CASD1: variants seen among roughly 807,000 people sequenced by gnomAD.
CASD1 encodes the protein CAS1 domain sialic acid O acetyltransferase 1.
A neutral mutation model predicts 100.0 loss-of-function variants in CASD1; 41 were observed. That is an observed-to-expected ratio of 0.41 (90% CI 0.32 to 0.53). The LOEUF is 0.53. Among genes scored for constraint, CASD1 ranks in the 20% least tolerant of loss-of-function variants. CASD1 has a pLI of 0.25. For missense variants in CASD1, 774 were observed against 948.7 expected, an observed-to-expected ratio of 0.82 and a Z score of 2.42; for synonymous variants, 321 against 315.6, an observed-to-expected ratio of 1.02 and a Z score of -0.18.
intron 5 of CASD1, among the ~76,000 whole-genome samples, chr7:94,532,651 G>A (rs912675010): frequency 1.3e-5 from 2 of 152,122 alleles, no homozygotes; most frequent in African/African-American, 4.8e-5. Flanking sequence ...ATATATAATG[G>A]GGGGAAATAC....
At chr7:94,519,669 A>C (rs1296660943) in intron 3 of CASD1, among the ~76,000 whole-genome samples, 1 of 152,098 alleles carries the variant, frequency 6.6e-6, no homozygotes, top group African/African-American at 2.4e-5. Context: ...TATTTTTAAT[A>C]ATTAAAAAAA....
the CASD1 span, among the ~76,000 whole-genome samples, chr7:94,582,330 C>T: frequency 1.3e-5 from 2 of 152,134 alleles, no homozygotes; most frequent in Admixed American, 6.5e-5. Context: ...GTCGGCCAGG[C>T]TGGTCTTGAA....
At chr7:94,575,602 A>G in the CASD1 span, among the ~76,000 whole-genome samples, 1 of 151,996 alleles carries the variant, frequency 6.6e-6, no homozygotes, top group African/African-American at 2.4e-5. Flanking sequence ...ATCCTTGTTA[A>G]TTTTCTGCGT....
chr7:94,563,585 G>T, the CASD1 span, among the ~76,000 whole-genome samples: 1 of 151,002 alleles, frequency 6.6e-6, no homozygotes, highest in South Asian at 2.1e-4. Context: ...GTTGCCAGTT[G>T]TCTTCTGTTT....
the CASD1 span, chr7:94,597,552 TGA>T: frequency 0.084 from 12,688 of 151,828 alleles, 570 homozygotes; most frequent in East Asian, 0.13. Flanking sequence ...TCTGTGTGTA[TGA>T]GAGAGAGAGA....
rs762290781 is a variant in CASD1, at chr7:94,517,682, T to C, written c.230+26T>C. Reference sequence around the variant, plus strand: ...GTAACATTTCTTCATTTTGTTGTTTTCTTTTTCAGGATGGGTCTTAATATG... The same window carrying C: ...GTAACATTTCTTCATTTTGTTGTTTCCTTTTTCAGGATGGGTCTTAATATG... On this transcript the variant is annotated intron_variant, in intron 2 of 17. Coordinates refer to ENST00000297273, the MANE Select transcript of CASD1 (RefSeq NM_022900.5). The C allele has an allele frequency of 2.1e-6, 3 of 1,425,172 alleles. No homozygotes were observed. In the Admixed American group the frequency reaches 5.3e-5, roughly 25 times the overall value. 88.3% of individuals were successfully genotyped at this position (1,425,172 alleles called of 1,614,324 possible).
At chr7:94,611,643 A>G in the CASD1 span, among the ~76,000 whole-genome samples, 4 of 152,212 alleles carry the variant, frequency 2.6e-5, no homozygotes, top group African/African-American at 9.6e-5. Context: ...GGTGCATTGT[A>G]TGATATGTGA....
chr7:94,581,488 C>G, the CASD1 span, among the ~76,000 whole-genome samples: 373 of 152,194 alleles, frequency 2.5e-3, 1 homozygote, highest in African/African-American at 8.3e-3. Context: ...GTATTAAGCC[C>G]AGCACCTACT....
At chr7:94,513,856 G>A (rs1267210456) in intron 1 of CASD1, among the ~76,000 whole-genome samples, 2 of 152,114 alleles carry the variant, frequency 1.3e-5, no homozygotes, top group African/African-American at 4.8e-5. Flanking sequence ...ATTTTAGAAA[G>A]TAGGCATTTT....
downstream of CASD1, among the ~76,000 whole-genome samples, chr7:94,558,941 A>G (rs1400149932): frequency 6.6e-6 from 1 of 152,068 alleles, no homozygotes. Flanking sequence ...CTGGAATTAC[A>G]GGTGCCTGCC....
chr7:94,561,211 A>G (rs1272254513), downstream of CASD1, among the ~76,000 whole-genome samples: 2 of 152,064 alleles, frequency 1.3e-5, no homozygotes, highest in Non-Finnish European at 2.9e-5. Flanking sequence ...ACGCTATTGC[A>G]CTCCAGCCTG....
At chr7:94,629,808 C>T in the CASD1 span, 30 of 1,610,754 alleles carry the variant, frequency 1.9e-5, no homozygotes, top group East Asian at 4.5e-5. Flanking sequence ...GTATACATTC[C>T]GATCGGAGTG....
Position 94,509,944 on chromosome 7 carries a change from T to C in CASD1, c.-141T>C. On this transcript the variant is annotated 5_prime_UTR_variant, in exon 1 of 18. Transcript: ENST00000297273. Reference sequence around the variant, plus strand: ...GGGCGCCGCGGCCGCGGGGTCAGGTTCCCCGGCGGGAGGCGCAGGTGGCGG... The same window carrying C: ...GGGCGCCGCGGCCGCGGGGTCAGGTCCCCCGGCGGGAGGCGCAGGTGGCGG... 8.4e-7 allele frequency: 1 copy of C among 1,187,276 alleles called. No homozygotes were observed. The highest frequency in any genetic ancestry group is 1.1e-6 in the Non-Finnish European group (1 of 952,180). 73.5% of individuals were successfully genotyped at this position (1,187,276 alleles called of 1,614,324 possible).
the CASD1 span, among the ~76,000 whole-genome samples, chr7:94,571,574 G>A: frequency 6.6e-6 from 1 of 152,160 alleles, no homozygotes; most frequent in Non-Finnish European, 1.5e-5. Context: ...ATGAAGGGAG[G>A]TTCTTGTCAT....
the CASD1 span, chr7:94,625,969 G>C: frequency 6.6e-6 from 1 of 152,036 alleles, no homozygotes; most frequent in African/African-American, 2.4e-5. Flanking sequence ...GAGATATTCA[G>C]TACTGCTTTC....
chr7:94,633,781 A>C, the CASD1 span, among the ~76,000 whole-genome samples: 18 of 152,290 alleles, frequency 1.2e-4, no homozygotes, highest in East Asian at 3.5e-3. Context: ...GTAAACATTA[A>C]ATTTTGAAAG....
intron 12 of CASD1, 128 bp from the exon 13 acceptor site, chr7:94,546,968 G>A (rs947121558): frequency 1.7e-5 from 9 of 528,118 alleles, no homozygotes; most frequent in Non-Finnish European, 2.8e-5. Flanking sequence ...TATATTTTGT[G>A]TATTCTTGTA....
chr7:94,591,696 C>G, the CASD1 span, among the ~76,000 whole-genome samples: 4 of 152,276 alleles, frequency 2.6e-5, no homozygotes, highest in East Asian at 7.7e-4. Flanking sequence ...TGATCAAAGT[C>G]AACCTATGCC....
At chr7:94,593,944 C>T in the CASD1 span, among the ~76,000 whole-genome samples, 2 of 151,994 alleles carry the variant, frequency 1.3e-5, no homozygotes, top group African/African-American at 4.8e-5. Context: ...AGGAGCTCTA[C>T]CATAACATAC....
Sources: allele counts gnomAD v4.1 joint callset (sites outside exome capture counted in the v4.1 genomes callset), GRCh38; gene constraint gnomAD v4.1.1; transcripts MANE v1.5; gene names NCBI Gene and HGNC (gene_info 2026-07-23, HGNC 2026-07-21).